CNBD1: variants seen among roughly 807,000 people sequenced by gnomAD.
CNBD1 encodes the protein cyclic nucleotide binding domain containing 1.
In CNBD1, 71 loss-of-function variants were observed where a neutral mutation model predicts 54.4. The ratio of observed to expected loss-of-function variants is 1.30; its 90% CI spans 1.08 to 1.59. CNBD1 has a LOEUF of 1.59. Among genes scored for constraint, CNBD1 ranks in the 40% most tolerant of loss-of-function variants. CNBD1 has a pLI of 0.00. For synonymous variants in CNBD1, 182 were observed against 170.7 expected (o/e 1.07, Z -0.51); for missense variants, 659 against 518.0 (o/e 1.27, Z -2.64).
At chr8:87,244,240 C>T (rs1807758388) in intron 6 of CNBD1, among the ~76,000 whole-genome samples, 1 of 152,096 alleles carries the variant, frequency 6.6e-6, no homozygotes, top group African/African-American at 2.4e-5. Flanking sequence ...GGACAAATGG[C>T]TGCATTTCTT....
chr8:87,351,466 T>A (rs1016093050), intron 8 of CNBD1, among the ~76,000 whole-genome samples: 1 of 152,180 alleles, frequency 6.6e-6, no homozygotes, highest in African/African-American at 2.4e-5. Context: ...GCCAAAGTCT[T>A]GTCAGTGTTT....
chr8:87,397,314 A>G (rs1308390602), intron 2 of CNBD1, among the ~76,000 whole-genome samples: 4 of 151,914 alleles, frequency 2.6e-5, no homozygotes, highest in South Asian at 2.1e-4. Flanking sequence ...CAGAATACCT[A>G]CTTTCCTAGT....
chr8:87,312,172 G>T (rs10099177), intron 8 of CNBD1, among the ~76,000 whole-genome samples: 1 of 151,618 alleles, frequency 6.6e-6, no homozygotes, highest in African/African-American at 2.4e-5. Flanking sequence ...TGTAATTTTC[G>T]CAATAAAACA....
chr8:87,037,091 TTTAA>T (rs1809966045), intron 4 of CNBD1, among the ~76,000 whole-genome samples: 1 of 152,252 alleles, frequency 6.6e-6, no homozygotes, highest in South Asian at 2.1e-4. Context: ...ACCTCTCACA[TTTAA>T]TTATTAGCTT....
intron 6 of CNBD1, among the ~76,000 whole-genome samples, chr8:87,256,654 T>A (rs1269588399): frequency 1.8e-5 from 2 of 110,310 alleles, no homozygotes; most frequent in Non-Finnish European, 3.9e-5. Context: ...TAAAGATCAG[T>A]GATTTGGGGG....
At chr8:87,047,475 G>A (rs924381159) in intron 4 of CNBD1, among the ~76,000 whole-genome samples, 16 of 152,212 alleles carry the variant, frequency 1.1e-4, no homozygotes, top group Non-Finnish European at 1.3e-4. Context: ...GGTACTGTTC[G>A]GGTCAAAGAC....
At chr8:87,091,484 C>A (rs1045457194) in intron 4 of CNBD1, among the ~76,000 whole-genome samples, 1 of 152,298 alleles carries the variant, frequency 6.6e-6, no homozygotes, top group Admixed American at 6.5e-5. Context: ...TCTTGTGAAT[C>A]CTTGTCATCT....
intron 8 of CNBD1, among the ~76,000 whole-genome samples, chr8:87,346,270 A>G (rs867568078): frequency 6.6e-6 from 1 of 151,744 alleles, no homozygotes; most frequent in Non-Finnish European, 1.5e-5. Flanking sequence ...TGAACTCCCG[A>G]CCTCCAGGTG....
intron 8 of CNBD1, among the ~76,000 whole-genome samples, chr8:87,290,538 T>C (rs1808766439): frequency 6.6e-6 from 1 of 152,324 alleles, no homozygotes; most frequent in South Asian, 2.1e-4. Context: ...CTTTTACAAT[T>C]ACACATTTAC....
chr8:87,123,743 G>T (rs990610311), intron 4 of CNBD1, among the ~76,000 whole-genome samples: 1 of 151,206 alleles, frequency 6.6e-6, no homozygotes, highest in Non-Finnish European at 1.5e-5. Context: ...TTTTTGAAAA[G>T]GTAAACAATA....
chr8:86,998,302 C>T (rs1010928468), intron 4 of CNBD1, among the ~76,000 whole-genome samples: 1 of 151,812 alleles, frequency 6.6e-6, no homozygotes, highest in African/African-American at 2.4e-5. Context: ...TTATGTAATG[C>T]ATGTACTTTC....
chr8:87,349,817 C>G (rs1810248388), intron 8 of CNBD1, among the ~76,000 whole-genome samples: 1 of 152,184 alleles, frequency 6.6e-6, no homozygotes, highest in Non-Finnish European at 1.5e-5. Context: ...CCAGTTCCCC[C>G]TCTAGGGAAT....
intron 2 of CNBD1, among the ~76,000 whole-genome samples, chr8:87,395,951 T>A (rs937387144): frequency 1.3e-5 from 2 of 151,920 alleles, no homozygotes; most frequent in African/African-American, 4.8e-5. Context: ...AAGAATGACA[T>A]GTTTACTTCC....
chr8:87,331,869 A>G (rs1291263273), intron 8 of CNBD1, among the ~76,000 whole-genome samples: 1 of 151,980 alleles, frequency 6.6e-6, no homozygotes, highest in Non-Finnish European at 1.5e-5. Context: ...TTCTTTTGAG[A>G]AGTGTCTGTT....
intron 8 of CNBD1, among the ~76,000 whole-genome samples, chr8:87,343,330 T>C (rs1810105470): frequency 6.6e-6 from 1 of 152,178 alleles, no homozygotes; most frequent in South Asian, 2.1e-4. Context: ...AACACAATCA[T>C]CACAGGGTCC....
chr8:86,916,409 G>A (rs950687389), intron 3 of CNBD1, among the ~76,000 whole-genome samples: 2 of 152,140 alleles, frequency 1.3e-5, no homozygotes, highest in African/African-American at 4.8e-5. Context: ...TTCCCTTGGG[G>A]TGGGCTGTCT....
At chr8:87,238,201 A>G (rs754999416) in intron 6 of CNBD1, among the ~76,000 whole-genome samples, 19 of 152,062 alleles carry the variant, frequency 1.2e-4, no homozygotes, top group Admixed American at 3.9e-4. Context: ...ATGGTTTTCA[A>G]TTTCCTATCT....
chr8:87,341,476 G>T (rs1463097294), intron 8 of CNBD1, among the ~76,000 whole-genome samples: 1 of 152,204 alleles, frequency 6.6e-6, no homozygotes, highest in Admixed American at 6.5e-5. Context: ...ACTATGACAA[G>T]AGGGTAGTGT....
chr8:87,073,823 C>T (rs528025903), intron 4 of CNBD1, among the ~76,000 whole-genome samples: 16 of 152,082 alleles, frequency 1.1e-4, no homozygotes, highest in South Asian at 6.2e-4. Context: ...CAGTCTGGGC[C>T]GGGTGCAGTG....
Sources: allele counts gnomAD v4.1 joint callset (sites outside exome capture counted in the v4.1 genomes callset), GRCh38; gene constraint gnomAD v4.1.1; transcripts MANE v1.5; gene names NCBI Gene and HGNC (gene_info 2026-07-23, HGNC 2026-07-21).